The following ANKMY1 variants were observed in gnomAD, a reference collection of about 807,000 sequenced individuals.
ANKMY1 encodes the protein ankyrin repeat and MYND domain containing 1, also known as ankyrin repeat and MYND domain-containing protein 1.
A neutral mutation model predicts 102.0 loss-of-function variants in ANKMY1; 98 were observed. The ratio of observed to expected loss-of-function variants is 0.96; its 90% CI spans 0.82 to 1.14. ANKMY1 has a LOEUF of 1.14. Ranked by LOEUF, ANKMY1 falls within the 50% of genes most tolerant of loss-of-function variation. ANKMY1 has a pLI of 0.00. For missense variants in ANKMY1, 1,330 were observed against 1,347.6 expected (o/e 0.99, Z 0.20); for synonymous variants, 582 against 559.9 (o/e 1.04, Z -0.56).
Position 240,499,025 on chromosome 2 carries a change from T to C in ANKMY1, c.2806+933A>G, listed in dbSNP as rs2077687935. On this transcript the variant is annotated intron_variant, in intron 15 of 17. Transcript: ENST00000401804. This position sits in a 1 kb window ranked among gnomAD's most constrained non-coding sequence, Gnocchi z 4.2. ...TTTCTAATTACCCAGTCTCAGGTGT[T>C]CCTTTACAGCAACGCAAACGGACTA... Among the ~76,000 whole-genome samples, 1 of 152,174 alleles carries C rather than the reference T, an allele frequency of 6.6e-6. No homozygotes were observed. Among genetic ancestry groups the C allele is most frequent in the Non-Finnish European group, 1.5e-5 (1 of 68,036 alleles).
At chr2:240,539,638 T>C (rs957548818) in intron 4 of ANKMY1, among the ~76,000 whole-genome samples, 14 of 152,152 alleles carry the variant, frequency 9.2e-5, no homozygotes, top group Non-Finnish European at 1.5e-4. Context: ...GAATAAACTA[T>C]GGTAGCTCCA....
At chr2:240,554,719 TG>T in intron 3 of ANKMY1, 146 bp downstream of exon 3, 1 of 930,846 alleles carries the variant, frequency 1.1e-6, no homozygotes, top group Non-Finnish European at 1.6e-6. Flanking sequence ...TGCTTTTCTC[TG>T]GACATTTCTC....
At chr2:240,476,545 G>T (rs1204415813), downstream of ANKMY1, among the ~76,000 whole-genome samples, 1 of 152,180 alleles carries the variant, frequency 6.6e-6, no homozygotes, top group Non-Finnish European at 1.5e-5. Flanking sequence ...TGAAGAGGAG[G>T]GTGGGCCTGT....
downstream of ANKMY1, among the ~76,000 whole-genome samples, chr2:240,477,759 GC>G (rs2074952564): frequency 3.9e-5 from 6 of 152,202 alleles, no homozygotes; most frequent in South Asian, 1.2e-3. Flanking sequence ...AAAAAATAAA[GC>G]TATATTCATT....
At chr2:240,525,604 G>C in intron 7 of ANKMY1, 81 bp downstream of exon 7, 3 of 1,492,186 alleles carry the variant, frequency 2.0e-6, no homozygotes, top group Non-Finnish European at 2.7e-6. Flanking sequence ...ACACAGGAGG[G>C]AGGAGGCTTG....
chr2:240,534,497 G>A (rs1339520202), intron 4 of ANKMY1, among the ~76,000 whole-genome samples: 1 of 152,108 alleles, frequency 6.6e-6, no homozygotes, highest in Non-Finnish European at 1.5e-5. Flanking sequence ...AGCTCCTAGG[G>A]AGGCTGAGGT....
chr2:240,551,048 T>A (rs1263875789), intron 4 of ANKMY1, among the ~76,000 whole-genome samples: 5 of 152,180 alleles, frequency 3.3e-5, no homozygotes, highest in Admixed American at 2.6e-4. Context: ...TCCACTGCAC[T>A]AATTGGAAGG....
intron 3 of ANKMY1, 148 bp downstream of exon 3, chr2:240,554,718 C>T: frequency 1.1e-6 from 1 of 923,934 alleles, no homozygotes; most frequent in Non-Finnish European, 1.6e-6. Context: ...ATGCTTTTCT[C>T]TGGACATTTC....
At chr2:240,489,835 G>T (rs999184177) in intron 15 of ANKMY1, among the ~76,000 whole-genome samples, 5 of 152,164 alleles carry the variant, frequency 3.3e-5, no homozygotes, top group Non-Finnish European at 7.3e-5. Flanking sequence ...CAGGAGGATT[G>T]GTATTAGTTC....
chr2:240,542,096 T>A (rs183823608), intron 4 of ANKMY1, among the ~76,000 whole-genome samples: 3 of 151,178 alleles, frequency 2.0e-5, no homozygotes, highest in African/African-American at 7.3e-5. Flanking sequence ...TAATCCCAGC[T>A]ACTCAGGAGG....
rs2092117620 is a variant in ANKMY1, at chr2:240,554,922, C to G, written c.280G>C (p.Glu94Gln). ...EWQDGCMYQGEFGLNMKLGYG... is the reference protein window; with the variant it reads ...EWQDGCMYQGQFGLNMKLGYG... ...CCAAGCTTCATGTTCAACCCAAACT[C>G]CCCCTGGTACATGCAACCATCCTGC... The change falls in exon 3 of 18, where the codon GAG (glutamate) becomes CAG (glutamine). Residue 94 changes from glutamate to glutamine, a missense_variant. Physicochemically the swap from Glu to Gln is conservative, Grantham distance 29. Transcript: ENST00000401804. 1 of 1,614,062 alleles carries G rather than the reference C, an allele frequency of 6.2e-7. No homozygotes were observed. Among genetic ancestry groups the G allele is most frequent in the South Asian group, 1.1e-5 (1 of 91,084 alleles).
upstream of ANKMY1, chr2:240,561,044 G>C (rs1259192541): frequency 6.6e-7 from 1 of 1,517,200 alleles, no homozygotes; most frequent in Non-Finnish European, 8.8e-7. Context: ...ACCTCATGCG[G>C]CACCGCGGCC....
At chr2:240,560,350 A>G (rs371315015), upstream of ANKMY1, 96 of 214,506 alleles carry the variant, frequency 4.5e-4, no homozygotes, top group South Asian at 0.015. Context: ...CGCTGCGCCC[A>G]AGAGCCACAG....
At chr2:240,531,292 A>T (rs570338605) in intron 4 of ANKMY1, among the ~76,000 whole-genome samples, 2 of 152,244 alleles carry the variant, frequency 1.3e-5, no homozygotes, top group South Asian at 4.1e-4. Flanking sequence ...TGATGACTAA[A>T]TGCAAAACGG....
At chr2:240,523,549 A>G in intron 8 of ANKMY1, 1 of 379,526 alleles carries the variant, frequency 2.6e-6, no homozygotes, top group Non-Finnish European at 4.9e-6. Flanking sequence ...TATGGCTAGG[A>G]TAGGACCCCT....
the ANKMY1 span, among the ~76,000 whole-genome samples, chr2:240,469,405 C>G: frequency 6.6e-6 from 1 of 152,208 alleles, no homozygotes; most frequent in Non-Finnish European, 1.5e-5. Context: ...CAGGGAGAGA[C>G]CCCTTCCAGC....
At chr2:240,557,492 AC>A in intron 1 of ANKMY1, 140 bp from the exon 2 acceptor site, 1 of 949,580 alleles carries the variant, frequency 1.1e-6, no homozygotes, top group Non-Finnish European at 1.4e-6. Flanking sequence ...CTGGGCCGCC[AC>A]CCACAGGTCC....
intron 11 of ANKMY1, 33 bp from the exon 12 acceptor site, chr2:240,509,488 AC>A: frequency 4.1e-6 from 6 of 1,477,946 alleles, no homozygotes; most frequent in Non-Finnish European, 5.6e-6. Flanking sequence ...TTAGAGAGGC[AC>A]CCCCACCCAT....
At chr2:240,556,614 G>A (rs1451846078) in intron 2 of ANKMY1, among the ~76,000 whole-genome samples, 1 of 152,192 alleles carries the variant, frequency 6.6e-6, no homozygotes, top group Non-Finnish European at 1.5e-5. Context: ...AGAACTCTGA[G>A]CCCTTTGCAG....
Sources: gnomAD v4.1 joint callset for allele counts (sites outside exome capture counted in the v4.1 genomes callset) on GRCh38, gnomAD v4.1.1 for gene constraint, Gnocchi (gnomAD v3.1) non-coding constraint, MANE v1.5 for transcripts, NCBI Gene and HGNC (gene_info 2026-07-23, HGNC 2026-07-21) for gene names.